The following CCDC102B variants were observed in gnomAD, a reference collection of about 807,000 sequenced individuals.
The protein encoded by CCDC102B is coiled-coil domain-containing protein 102B.
A neutral mutation model predicts 57.4 loss-of-function variants in CCDC102B; 75 were observed. That is an observed-to-expected ratio of 1.31 (90% CI 1.08 to 1.58). The LOEUF is 1.58. Ranked by LOEUF, CCDC102B falls within the 40% of genes most tolerant of loss-of-function variation. CCDC102B has a pLI of 0.00. For missense variants in CCDC102B, 636 were observed against 582.6 expected (o/e 1.09, Z -0.94); for synonymous variants, 206 against 201.9 (o/e 1.02, Z -0.17).
intron 5 of CCDC102B, among the ~76,000 whole-genome samples, chr18:68,877,988 C>A (rs1266952037): frequency 8.5e-5 from 13 of 152,102 alleles, no homozygotes; most frequent in Admixed American, 8.5e-4. Context: ...AAAAGAGAGC[C>A]TTCTATTTTA....
At chr18:68,996,433 G>A (rs72950450) in intron 6 of CCDC102B, among the ~76,000 whole-genome samples, 1,939 of 152,210 alleles carry the variant, frequency 0.013, 28 homozygotes, top group Middle Eastern at 0.017. Context: ...CTGGCTTTTC[G>A]GTTGACAGAC....
chr18:68,996,880 G>T (rs928741790), intron 6 of CCDC102B, among the ~76,000 whole-genome samples: 4 of 152,130 alleles, frequency 2.6e-5, no homozygotes, highest in African/African-American at 7.2e-5. Flanking sequence ...GAATGATATG[G>T]CTAGGCTTTG....
At chr18:68,953,863 A>G (rs1599743780) in intron 6 of CCDC102B, among the ~76,000 whole-genome samples, 1 of 152,192 alleles carries the variant, frequency 6.6e-6, no homozygotes, top group South Asian at 2.1e-4. Flanking sequence ...GTTCATGGGT[A>G]TTACTTTTAT....
intron 5 of CCDC102B, among the ~76,000 whole-genome samples, chr18:68,886,438 C>T (rs1474626848): frequency 1.1e-5 from 1 of 93,784 alleles, no homozygotes; most frequent in South Asian, 4.6e-4. Context: ...TGGATATTAA[C>T]AGCAACAAAA....
chr18:68,750,302 G>C (rs1338435788), intron 2 of CCDC102B, among the ~76,000 whole-genome samples: 1 of 152,192 alleles, frequency 6.6e-6, no homozygotes, highest in Non-Finnish European at 1.5e-5. Context: ...AACAGGTGCT[G>C]GAGAGGATGT....
intron 5 of CCDC102B, among the ~76,000 whole-genome samples, chr18:68,892,676 A>G (rs1285339345): frequency 6.6e-6 from 1 of 152,204 alleles, no homozygotes; most frequent in Non-Finnish European, 1.5e-5. Context: ...AGCCATAGTC[A>G]TCTATTTTTG....
In CCDC102B at chr18:68,846,355, G is replaced by A. The variant is rs147849810; in HGVS notation, c.870G>A (p.Ser290=). The A allele has an allele frequency of 3.5e-3, 5,616 of 1,582,456 alleles. 16 individuals are homozygous for A. The highest frequency in any genetic ancestry group is 0.013 in the Middle Eastern group (77 of 5,956). ...AAAAAGAAATAGAGAGACTGGAGTC[G>A]GCTTTGTCTCTGTGGAAGTGGAAGT... ...ALEKEIERLE[S]ALSLWKWKYE... Residue 290 remains serine, a synonymous_variant, in exon 4 of 8, where the codon TCG becomes TCA. Coordinates refer to ENST00000360242, the MANE Select transcript of CCDC102B (RefSeq NM_024781.3).
chr18:69,002,938 G>C (rs1599831889), intron 6 of CCDC102B, among the ~76,000 whole-genome samples: 1 of 152,068 alleles, frequency 6.6e-6, no homozygotes, highest in East Asian at 1.9e-4. Flanking sequence ...TCTGTTAGAA[G>C]AGTTCTCCCA....
At chr18:68,867,376 T>C (rs567366213) in intron 4 of CCDC102B, among the ~76,000 whole-genome samples, 19 of 152,286 alleles carry the variant, frequency 1.2e-4, no homozygotes, top group African/African-American at 4.6e-4. Flanking sequence ...GAAGCACTTA[T>C]TCTCTCTCCA....
chr18:68,756,121 A>AT (rs1303189825), intron 2 of CCDC102B, among the ~76,000 whole-genome samples: 5 of 151,726 alleles, frequency 3.3e-5, no homozygotes, highest in African/African-American at 7.2e-5. Context: ...TTCATGGAAG[A>AT]TTTTCAATAA....
At chr18:69,040,385 G>GGTGTGT (rs908583162) in intron 7 of CCDC102B, among the ~76,000 whole-genome samples, 12 of 57,348 alleles carry the variant, frequency 2.1e-4, no homozygotes, top group African/African-American at 5.7e-4. Context: ...TAGATGCAGG[G>GGTGTGT]GTGTGTGTGT....
chr18:69,048,575 C>T (rs954051681), intron 7 of CCDC102B, among the ~76,000 whole-genome samples: 26 of 151,990 alleles, frequency 1.7e-4, no homozygotes, highest in African/African-American at 5.8e-4. Context: ...GAAAAATGTC[C>T]AAATGTTTGA....
chr18:68,948,262 T>C (rs1213379372), intron 6 of CCDC102B, among the ~76,000 whole-genome samples: 1 of 152,060 alleles, frequency 6.6e-6, no homozygotes, highest in Non-Finnish European at 1.5e-5. Context: ...ATGTACAGGG[T>C]AATTTCTGTG....
chr18:69,003,419 A>G (rs1441640493), intron 6 of CCDC102B, among the ~76,000 whole-genome samples: 1 of 152,174 alleles, frequency 6.6e-6, no homozygotes, highest in African/African-American at 2.4e-5. Context: ...AACAACGTTT[A>G]TCTTTGCTGC....
chr18:69,021,942 T>C (rs1259587056), intron 7 of CCDC102B, among the ~76,000 whole-genome samples: 1 of 152,208 alleles, frequency 6.6e-6, no homozygotes, highest in African/African-American at 2.4e-5. Flanking sequence ...CTTGCTCTTG[T>C]TCTTTACTTT....
At chr18:68,796,682 A>C (rs2035639656), upstream of CCDC102B, among the ~76,000 whole-genome samples, 1 of 152,104 alleles carries the variant, frequency 6.6e-6, no homozygotes, top group African/African-American at 2.4e-5. Context: ...AAGGGCCAGC[A>C]AAAGAGGTCA....
chr18:68,912,965 C>T (rs748838816), intron 6 of CCDC102B, among the ~76,000 whole-genome samples: 2 of 152,166 alleles, frequency 1.3e-5, no homozygotes, highest in South Asian at 2.1e-4. Context: ...TGTATTTTCA[C>T]TAAAATGGCT....
chr18:68,955,417 C>T (rs994962663), intron 6 of CCDC102B, among the ~76,000 whole-genome samples: 4 of 151,966 alleles, frequency 2.6e-5, no homozygotes, highest in Non-Finnish European at 5.9e-5. Context: ...TAAAGGAAAA[C>T]CTTGAGATTT....
rs555562501 is a variant in CCDC102B, at chr18:68,730,110, A to G, written c.-67+13516A>G. 4.6e-5 allele frequency among the ~76,000 whole-genome samples: 7 copies of G among 152,284 alleles called. No individual in the cohort carries two copies. In the East Asian group the frequency reaches 1.3e-3, roughly 29 times the overall value. On this transcript the variant is annotated intron_variant, in intron 2 of 3. Coordinates refer to the CCDC102B transcript ENST00000578970. ...TTAATGCACTGTTCATGTGAGTAGA[A>G]TTTATATTTATAAATACAGTAAACT...
Sources: gnomAD v4.1 joint callset for allele counts (sites outside exome capture counted in the v4.1 genomes callset) on GRCh38, gnomAD v4.1.1 for gene constraint, MANE v1.5 for transcripts, NCBI Gene and HGNC (gene_info 2026-07-23, HGNC 2026-07-21) for gene names.